Variants in PPARGC1A observed in about 807,000 individuals in gnomAD.
The protein encoded by PPARGC1A is peroxisome proliferator-activated receptor gamma coactivator 1-alpha.
PPARGC1A carries 25 observed loss-of-function variants against 88.7 expected under a neutral mutation model. The ratio of observed to expected loss-of-function variants is 0.28; its 90% CI spans 0.21 to 0.39. The LOEUF (loss-of-function observed/expected upper bound fraction) is 0.39, where lower values mean the gene tolerates loss of function less well. Ranked by LOEUF, PPARGC1A falls within the 10% of genes least tolerant of loss-of-function variation. The probability of loss-of-function intolerance (pLI) is 1.00; values close to 1 mark genes in which losing one functional copy is unlikely to be tolerated. For missense variants in PPARGC1A, 880 were observed against 968.7 expected, an observed-to-expected ratio of 0.91 and a Z score of 1.22; for synonymous variants, 363 against 355.6, an observed-to-expected ratio of 1.02 and a Z score of -0.24.
intron 1 of PPARGC1A, among the ~76,000 whole-genome samples, chr4:23,896,326 A>T (rs970392294): frequency 1.7e-4 from 26 of 152,184 alleles, no homozygotes; most frequent in African/African-American, 6.0e-4. Context: ...TGAGAGGAAC[A>T]GAGAGATTCA....
At chr4:24,013,311 T>C in the PPARGC1A span, among the ~76,000 whole-genome samples, 1 of 152,190 alleles carries the variant, frequency 6.6e-6, no homozygotes, top group African/African-American at 2.4e-5. Flanking sequence ...AAAAAATTAA[T>C]GTTAATCACC....
the PPARGC1A span, among the ~76,000 whole-genome samples, chr4:24,395,938 C>T: frequency 6.6e-6 from 1 of 152,194 alleles, no homozygotes; most frequent in Admixed American, 6.5e-5. Context: ...TTCTCTCCAC[C>T]TGCATTCTAC....
At chr4:23,910,331 AT>A in the PPARGC1A span, among the ~76,000 whole-genome samples, 210 of 61,464 alleles carry the variant, frequency 3.4e-3, 5 homozygotes, top group Non-Finnish European at 4.5e-3. Flanking sequence ...TATATTATAT[AT>A]TATATATATT....
At chr4:24,471,806 G>A in the PPARGC1A span, among the ~76,000 whole-genome samples, 1 of 152,268 alleles carries the variant, frequency 6.6e-6, no homozygotes, top group Non-Finnish European at 1.5e-5. This position sits in a 1 kb window ranked among gnomAD's most constrained non-coding sequence, Gnocchi z 5.4. Flanking sequence ...GTCAGGAGGA[G>A]CGGAGGCTCC....
the PPARGC1A span, among the ~76,000 whole-genome samples, chr4:24,222,335 C>G: frequency 6.6e-6 from 1 of 152,210 alleles, no homozygotes; most frequent in Non-Finnish European, 1.5e-5. Flanking sequence ...GGATGCATCT[C>G]TTGATATCCC....
At chr4:24,107,930 G>A in the PPARGC1A span, among the ~76,000 whole-genome samples, 2 of 152,202 alleles carry the variant, frequency 1.3e-5, no homozygotes, top group Non-Finnish European at 2.9e-5. Flanking sequence ...GGTTTGCCAA[G>A]TAGATAGCCA....
chr4:24,240,801 G>A, the PPARGC1A span, among the ~76,000 whole-genome samples: 1,075 of 149,034 alleles, frequency 7.2e-3, 10 homozygotes, highest in Non-Finnish European at 0.012. Context: ...GCAGGGGTAA[G>A]TAGCTTTTCA....
chr4:24,178,451 G>C, the PPARGC1A span, among the ~76,000 whole-genome samples: 1 of 152,248 alleles, frequency 6.6e-6, no homozygotes, highest in Non-Finnish European at 1.5e-5. Flanking sequence ...AAAGGAAACA[G>C]TACCAAATCT....
chr4:24,245,377 G>A, the PPARGC1A span, among the ~76,000 whole-genome samples: 657 of 152,270 alleles, frequency 4.3e-3, 5 homozygotes, highest in African/African-American at 0.015. Context: ...ATATGACACC[G>A]AGCCTGGCAA....
At chr4:24,424,571 A>G in the PPARGC1A span, among the ~76,000 whole-genome samples, 2 of 152,160 alleles carry the variant, frequency 1.3e-5, no homozygotes, top group Admixed American at 1.3e-4. Context: ...CACCGCGCCC[A>G]GCCGCTATAC....
the PPARGC1A span, among the ~76,000 whole-genome samples, chr4:24,150,378 T>C: frequency 1.6e-4 from 24 of 152,226 alleles, no homozygotes; most frequent in Admixed American, 6.5e-5. Context: ...AGTATTTTGG[T>C]GGCTTTGAAG....
the PPARGC1A span, among the ~76,000 whole-genome samples, chr4:24,304,838 G>A: frequency 6.6e-6 from 1 of 152,130 alleles, no homozygotes; most frequent in African/African-American, 2.4e-5. Flanking sequence ...CATGATAAAG[G>A]AAGGTCTAAG....
the PPARGC1A span, among the ~76,000 whole-genome samples, chr4:24,269,696 CAAGGCTTTGTTGTAAT>C: frequency 1.3e-5 from 2 of 150,666 alleles, no homozygotes; most frequent in African/African-American, 4.9e-5. Flanking sequence ...CAAAAAAACT[CAAGGCTTTGTTGTAAT>C]AAGGGGCAGC....
the PPARGC1A span, among the ~76,000 whole-genome samples, chr4:24,409,602 C>T: frequency 6.6e-6 from 1 of 152,178 alleles, no homozygotes; most frequent in Non-Finnish European, 1.5e-5. Context: ...CATCTACCTA[C>T]CATGTAAATG....
chr4:23,895,298 C>A (rs903573611), intron 1 of PPARGC1A, among the ~76,000 whole-genome samples: 6 of 150,706 alleles, frequency 4.0e-5, no homozygotes, highest in Admixed American at 4.0e-4. Flanking sequence ...AAAAAGGTAA[C>A]AATAAATATA....
At chr4:24,039,467 C>T in the PPARGC1A span, among the ~76,000 whole-genome samples, 1 of 152,138 alleles carries the variant, frequency 6.6e-6, no homozygotes, top group African/African-American at 2.4e-5. Context: ...ATATTTAAGG[C>T]TACAAAGAAT....
At chr4:24,083,694 TC>T in the PPARGC1A span, among the ~76,000 whole-genome samples, 1 of 152,104 alleles carries the variant, frequency 6.6e-6, no homozygotes, top group African/African-American at 2.4e-5. Flanking sequence ...ATGAAGCCAT[TC>T]CTGATGCCCT....
chr4:24,460,250 T>G, the PPARGC1A span, among the ~76,000 whole-genome samples: 1 of 152,364 alleles, frequency 6.6e-6, no homozygotes, highest in Admixed American at 6.5e-5. Context: ...CTAATGTATA[T>G]TTATTTAACA....
At chr4:23,884,432 G>A in intron 2 of PPARGC1A, 1 of 366,372 alleles carries the variant, frequency 2.7e-6, no homozygotes. Flanking sequence ...AAATAGACAG[G>A]AATAAACAGG....
Sources: gnomAD v4.1 joint callset for allele counts (sites outside exome capture counted in the v4.1 genomes callset) on GRCh38, gnomAD v4.1.1 for gene constraint, Gnocchi (gnomAD v3.1) non-coding constraint, MANE v1.5 for transcripts, NCBI Gene and HGNC (gene_info 2026-07-23, HGNC 2026-07-21) for gene names.